The following AFAP1 variants were observed in gnomAD, a reference collection of about 807,000 sequenced individuals.
The protein encoded by AFAP1 is actin filament-associated protein 1.
In AFAP1, 75 loss-of-function variants were observed where a neutral mutation model predicts 93.9. The ratio of observed to expected loss-of-function variants is 0.80; its 90% CI spans 0.66 to 0.97. The LOEUF is 0.97. Among genes scored for constraint, AFAP1 ranks in the 50% least tolerant of loss-of-function variants. AFAP1 has a pLI of 0.00. For synonymous variants in AFAP1, 517 were observed against 430.7 expected (o/e 1.20, Z -2.48); for missense variants, 1,201 against 1,050.8 (o/e 1.14, Z -1.98).
chr4:7,816,235 GC>G, intron 7 of AFAP1, 136 bp from the exon 8 acceptor site: 1 of 673,594 alleles, frequency 1.5e-6, no homozygotes, highest in Non-Finnish European at 2.5e-6. Flanking sequence ...AGTGGTTAGA[GC>G]TTAACTATAA....
intron 10 of AFAP1, among the ~76,000 whole-genome samples, chr4:7,794,357 A>G (rs1718187420): frequency 6.6e-6 from 1 of 152,192 alleles, no homozygotes; most frequent in Admixed American, 6.5e-5. Context: ...TTCCTTTGAT[A>G]TCAATTGTGT....
chr4:7,920,883 G>A (rs970198382), intron 1 of AFAP1, among the ~76,000 whole-genome samples: 1 of 152,036 alleles, frequency 6.6e-6, no homozygotes, highest in Non-Finnish European at 1.5e-5. Context: ...ATCTTCTACA[G>A]AAAAGGTTTA....
Position 7,882,396 on chromosome 4 carries a change from C to CT in AFAP1, c.-2-10317dup, listed in dbSNP as rs34705113. Among the ~76,000 whole-genome samples the CT allele has an allele frequency of 1.1e-3, 163 of 147,620 alleles. 1 individual carries two copies. Among genetic ancestry groups the CT allele is most frequent in the East Asian group, 3.6e-3 (18 of 5,056 alleles). Reference sequence around the variant, plus strand: ...AAAATACACAGAACATAACCAAATTCTTTTTTTTTTTTTGAAGCAAATATA... The same window carrying CT: ...AAAATACACAGAACATAACCAAATTCTTTTTTTTTTTTTTGAAGCAAATATA... On this transcript the variant is annotated intron_variant, in intron 1 of 17. Coordinates refer to ENST00000420658, the MANE Select transcript of AFAP1 (RefSeq NM_001134647.2).
chr4:7,815,241 G>A (rs1256581049), intron 8 of AFAP1, among the ~76,000 whole-genome samples: 1 of 151,538 alleles, frequency 6.6e-6, no homozygotes, highest in Non-Finnish European at 1.5e-5. Flanking sequence ...CGGGTGCCAG[G>A]GGCTGGGGGA....
Position 7,763,648 on chromosome 4 carries a change from G to GAGCCTCTGGAGTCGTGC in AFAP1, c.*100_*116dup. 1.6e-6 allele frequency: 2 copies of GAGCCTCTGGAGTCGTGC among 1,248,708 alleles called. No individual in the cohort carries two copies. The highest frequency in any genetic ancestry group is 1.3e-5 in the South Asian group (1 of 74,520). 77.4% of individuals were successfully genotyped at this position (1,248,708 alleles called of 1,614,324 possible). On this transcript the variant is annotated 3_prime_UTR_variant, in exon 18 of 18. Transcript: ENST00000420658. ...GCACTGGCCTCAGAGCTCAGTCGTG[G>GAGCCTCTGGAGTCGTGC]AGCCTCTGGAGTCGTGCAGCTGAGG...
At chr4:7,846,590 T>G (rs1032018470) in intron 4 of AFAP1, among the ~76,000 whole-genome samples, 1 of 152,242 alleles carries the variant, frequency 6.6e-6, no homozygotes, top group Non-Finnish European at 1.5e-5. Flanking sequence ...AGTAAAGATT[T>G]AATGAGTCAG....
chr4:7,850,476 A>T (rs1430013335), intron 4 of AFAP1, among the ~76,000 whole-genome samples: 6 of 152,244 alleles, frequency 3.9e-5, no homozygotes, highest in Non-Finnish European at 1.5e-5. Context: ...GCTGAAAATA[A>T]AACTGAAATC....
chr4:7,786,357 T>G, intron 11 of AFAP1, 46 bp from the exon 12 acceptor site: 1 of 1,490,858 alleles, frequency 6.7e-7, no homozygotes, highest in Non-Finnish European at 9.4e-7. Flanking sequence ...GACCACCTTT[T>G]ACTCCAATCA....
rs146400470 is a variant in AFAP1, at chr4:7,797,509, G to C, written c.1266+2933C>G. Among the ~76,000 whole-genome samples, 245 of 152,332 alleles carry C rather than the reference G, an allele frequency of 1.6e-3. 1 individual carries two copies. The highest frequency in any genetic ancestry group is 8.9e-3 in the East Asian group (46 of 5,182). On this transcript the variant is annotated intron_variant, in intron 10 of 17. Transcript: ENST00000420658. ...GCTATAATTCTCTGCTGGATCCCAAGGAGAGGTAACAGCAGACGCGCCCAA... is the reference window on the plus strand; with the variant it reads ...GCTATAATTCTCTGCTGGATCCCAACGAGAGGTAACAGCAGACGCGCCCAA...
At chr4:7,884,837 A>G (rs1718053113) in intron 1 of AFAP1, among the ~76,000 whole-genome samples, 1 of 152,236 alleles carries the variant, frequency 6.6e-6, no homozygotes, top group African/African-American at 2.4e-5. Flanking sequence ...ATGTGCCTAC[A>G]AAAAGTATGA....
intron 1 of AFAP1, among the ~76,000 whole-genome samples, chr4:7,925,490 A>G (rs1332813150): frequency 6.6e-6 from 1 of 152,040 alleles, no homozygotes; most frequent in East Asian, 1.9e-4. Flanking sequence ...AGTCAGGTGG[A>G]TTACCTGAGG....
chr4:7,905,543 G>A (rs2149220776), intron 1 of AFAP1, among the ~76,000 whole-genome samples: 1 of 152,312 alleles, frequency 6.6e-6, no homozygotes, highest in African/African-American at 2.4e-5. Context: ...TTGAGAAACA[G>A]GTCAACTTTT....
At chr4:7,794,022 C>A (rs895817825) in intron 10 of AFAP1, among the ~76,000 whole-genome samples, 196 bp from the exon 11 acceptor site, 2 of 152,142 alleles carry the variant, frequency 1.3e-5, no homozygotes, top group African/African-American at 2.4e-5. Flanking sequence ...AGTGTCATCC[C>A]GATTACACCA....
intron 1 of AFAP1, among the ~76,000 whole-genome samples, chr4:7,878,336 C>T (rs1273700627): frequency 3.9e-5 from 6 of 152,210 alleles, no homozygotes; most frequent in Non-Finnish European, 8.8e-5. Context: ...GTGCAGCAGG[C>T]TCTCTGGAAG....
intron 3 of AFAP1, among the ~76,000 whole-genome samples, chr4:7,864,167 A>ATTCCCAACCTCCCATCACAACACCTTCC (rs1577313455): frequency 2.4e-5 from 3 of 125,832 alleles, no homozygotes; most frequent in Admixed American, 8.4e-5. Context: ...ATCACAACCC[A>ATTCCCAACCTCCCATCACAACACCTTCC]CAGGTCCTTT....
intron 9 of AFAP1, among the ~76,000 whole-genome samples, chr4:7,801,161 C>T (rs1577226290): frequency 6.6e-6 from 1 of 152,080 alleles, no homozygotes; most frequent in African/African-American, 2.4e-5. Context: ...AATAGGAGGC[C>T]CTGGGAGGCA....
At chr4:7,766,552 CTG>C (rs1321194668) in intron 17 of AFAP1, among the ~76,000 whole-genome samples, 1 of 119,834 alleles carries the variant, frequency 8.3e-6, no homozygotes, top group Non-Finnish European at 1.7e-5. Flanking sequence ...CTCCAGGTGA[CTG>C]TGTCACGGGA....
chr4:7,937,304 T>C (rs1433032429), intron 1 of AFAP1, among the ~76,000 whole-genome samples: 2 of 151,222 alleles, frequency 1.3e-5, no homozygotes, highest in African/African-American at 4.9e-5. Flanking sequence ...AGGCTTCCGT[T>C]ATTTACACCA....
chr4:7,939,132 A>ATCTG lies in AFAP1; in HGVS notation c.-3+523_-3+524insCAGA. The ATCTG allele has an allele frequency of 6.4e-6, 1 of 155,906 alleles. No individual in the cohort carries two copies. Among genetic ancestry groups the ATCTG allele is most frequent in the Non-Finnish European group, 1.4e-5 (1 of 70,202 alleles). The allele number at this position is 155,906 out of a possible 1,614,324, so 9.7% of individuals were successfully genotyped here. On this transcript the variant is annotated intron_variant, in intron 1 of 17. Transcript: ENST00000420658. The surrounding 1 kb of genome is among the most constrained non-coding windows in gnomAD (Gnocchi z 5.6). ...ACCCACGCGCGTGGGTCCACGCAAC[A>ATCTG]ACCTATAGGTGACAAAACACTCAGG...
Sources: allele counts gnomAD v4.1 joint callset (sites outside exome capture counted in the v4.1 genomes callset), GRCh38; gene constraint gnomAD v4.1.1; non-coding constraint Gnocchi (gnomAD v3.1); transcripts MANE v1.5; gene names NCBI Gene and HGNC (gene_info 2026-07-23, HGNC 2026-07-21).